Variants in CYRIB observed in about 807,000 individuals in gnomAD.
CYRIB encodes CYFIP-related Rac1 interactor B.
Under a neutral mutation model 44.2 loss-of-function variants are expected in CYRIB, and 8 were observed. The ratio of observed to expected loss-of-function variants is 0.18; its 90% CI spans 0.11 to 0.33. The LOEUF (loss-of-function observed/expected upper bound fraction) is 0.33, where lower values mean the gene tolerates loss of function less well. Ranked by LOEUF, CYRIB falls within the 10% of genes least tolerant of loss-of-function variation. CYRIB has a pLI of 1.00. For synonymous variants in CYRIB, 131 were observed against 127.2 expected (o/e 1.03, Z -0.20); for missense variants, 185 against 382.8 (o/e 0.48, Z 4.31).
At chr8:129,866,882 T>C (rs2053927491) in intron 4 of CYRIB, among the ~76,000 whole-genome samples, 2 of 152,372 alleles carry the variant, frequency 1.3e-5, no homozygotes, top group South Asian at 2.1e-4. Flanking sequence ...CACAATAATT[T>C]ACTCTGTTTG....
intron 1 of CYRIB, among the ~76,000 whole-genome samples, chr8:129,934,796 A>G (rs1015003330): frequency 1.3e-5 from 2 of 152,194 alleles, no homozygotes; most frequent in South Asian, 2.1e-4. Flanking sequence ...GAGACAACAT[A>G]AGGGTAATCA....
At chr8:129,913,630 C>T (rs1302929473) in intron 1 of CYRIB, among the ~76,000 whole-genome samples, 1 of 152,192 alleles carries the variant, frequency 6.6e-6, no homozygotes, top group African/African-American at 2.4e-5. Context: ...AGTTCATGGA[C>T]CAGTGCTGGT....
At chr8:129,883,958 G>T (rs989128145) in intron 2 of CYRIB, among the ~76,000 whole-genome samples, 2 of 152,216 alleles carry the variant, frequency 1.3e-5, no homozygotes, top group African/African-American at 4.8e-5. Flanking sequence ...CCCAGCAGCA[G>T]AACTTATGGA....
chr8:129,863,616 T>C (rs1186016750), intron 4 of CYRIB, among the ~76,000 whole-genome samples: 3 of 152,118 alleles, frequency 2.0e-5, no homozygotes, highest in African/African-American at 7.2e-5. Context: ...GATAATAACT[T>C]TTCTCAGGCT....
At chr8:129,868,188 ATTTG>A (rs1407903605) in intron 4 of CYRIB, among the ~76,000 whole-genome samples, 6 of 151,976 alleles carry the variant, frequency 3.9e-5, no homozygotes, top group Non-Finnish European at 7.4e-5. Flanking sequence ...TCCTTTCTTA[ATTTG>A]TTTCTCTACT....
chr8:129,911,684 C>A, intron 1 of CYRIB, among the ~76,000 whole-genome samples: 1 of 150,804 alleles, frequency 6.6e-6, no homozygotes, highest in Admixed American at 6.6e-5. Context: ...AAAAAAAAAA[C>A]AAAAATAAAA....
intron 1 of CYRIB, among the ~76,000 whole-genome samples, chr8:130,004,180 C>T (rs1367589395): frequency 6.6e-6 from 1 of 152,180 alleles, no homozygotes; most frequent in African/African-American, 2.4e-5. Flanking sequence ...CAGGTAACAC[C>T]CCCACTGGGT....
chr8:129,885,114 C>A (rs1218162736), intron 2 of CYRIB, among the ~76,000 whole-genome samples: 1 of 152,210 alleles, frequency 6.6e-6, no homozygotes, highest in Non-Finnish European at 1.5e-5. Flanking sequence ...CTAAGAGATG[C>A]TGTTACTTCA....
chr8:129,966,887 G>A (rs1223525909), intron 2 of CYRIB, among the ~76,000 whole-genome samples: 1 of 151,870 alleles, frequency 6.6e-6, no homozygotes, highest in South Asian at 2.1e-4. Context: ...TAGAAACAGG[G>A]TTTCGCCATG....
intron 1 of CYRIB, among the ~76,000 whole-genome samples, chr8:130,001,864 G>A (rs1213476994): frequency 6.6e-6 from 1 of 152,124 alleles, no homozygotes; most frequent in African/African-American, 2.4e-5. Flanking sequence ...CTGTTTGCCT[G>A]GAAGGAATGG....
At chr8:130,004,221 C>A (rs1291496471) in intron 1 of CYRIB, among the ~76,000 whole-genome samples, 1 of 152,144 alleles carries the variant, frequency 6.6e-6, no homozygotes, top group African/African-American at 2.4e-5. Context: ...TCCGAAGATG[C>A]CCTCAGTGCA....
intron 1 of CYRIB, among the ~76,000 whole-genome samples, chr8:129,915,731 T>C (rs556716137): frequency 7.4e-4 from 112 of 152,276 alleles, no homozygotes; most frequent in Non-Finnish European, 1.2e-3. Flanking sequence ...CTGCCAAAAA[T>C]GTGGATTCTC....
chr8:129,999,452 G>A (rs1020602748), intron 1 of CYRIB, among the ~76,000 whole-genome samples: 28 of 152,228 alleles, frequency 1.8e-4, no homozygotes, highest in Non-Finnish European at 2.5e-4. Flanking sequence ...GCCCACGTGC[G>A]CCACGCACCC....
At chr8:129,877,885 G>C (rs2059673579) in intron 3 of CYRIB, among the ~76,000 whole-genome samples, 1 of 152,026 alleles carries the variant, frequency 6.6e-6, no homozygotes, top group African/African-American at 2.4e-5. Context: ...AGGAATTTGA[G>C]ACAAAGAGGA....
chr8:129,979,099 A>G (rs1376135036), intron 1 of CYRIB, among the ~76,000 whole-genome samples: 3 of 152,112 alleles, frequency 2.0e-5, no homozygotes, highest in Non-Finnish European at 4.4e-5. Context: ...GGAGATCGTG[A>G]CACTGCACTC....
At chr8:129,843,099 A>G (rs1285383879) in intron 11 of CYRIB, among the ~76,000 whole-genome samples, 1 of 152,244 alleles carries the variant, frequency 6.6e-6, no homozygotes, top group Non-Finnish European at 1.5e-5. Context: ...CTGTTCAAGG[A>G]GCTTACAACC....
rs567273958 is a variant in CYRIB, at chr8:129,971,927, A to T, written c.-295-932T>A. Reference sequence around the variant, plus strand: ...GCATTAGCCAGCAGTTAGTGTGAAGATCTGAGCAAAGTCGGCAGTGTCTAG... The same window carrying T: ...GCATTAGCCAGCAGTTAGTGTGAAGTTCTGAGCAAAGTCGGCAGTGTCTAG... On this transcript the variant is annotated intron_variant, in intron 1 of 14. Transcript: ENST00000401979. Among the ~76,000 whole-genome samples, 4 of 152,356 alleles carry T rather than the reference A, an allele frequency of 2.6e-5. No homozygotes were observed. In the East Asian group the frequency reaches 7.7e-4, roughly 29 times the overall value.
intron 1 of CYRIB, among the ~76,000 whole-genome samples, chr8:129,980,473 C>T (rs2096180401): frequency 6.6e-6 from 1 of 152,078 alleles, no homozygotes. Context: ...TCTTGTTTTT[C>T]AAGAAGTCCA....
At chr8:129,930,365 T>TTTTATACATATATATATATATA (rs369665802) in intron 1 of CYRIB, among the ~76,000 whole-genome samples, 1 of 50,438 alleles carries the variant, frequency 2.0e-5, no homozygotes, top group African/African-American at 6.9e-5. Flanking sequence ...TGTGAAGTGC[T>TTTTATACATATATATATATATA]TATATATATA....
Sources: allele counts gnomAD v4.1 joint callset (sites outside exome capture counted in the v4.1 genomes callset), GRCh38; gene constraint gnomAD v4.1.1; transcripts MANE v1.5; gene names NCBI Gene and HGNC (gene_info 2026-07-23, HGNC 2026-07-21).